Variants in FSD1L observed in about 807,000 individuals in gnomAD.
The protein encoded by FSD1L is fibronectin type III and SPRY domain containing 1 like.
In FSD1L, 45 loss-of-function variants were observed where a neutral mutation model predicts 71.6. The ratio of observed to expected loss-of-function variants is 0.63; its 90% CI spans 0.49 to 0.81. The LOEUF (loss-of-function observed/expected upper bound fraction) is 0.81, where lower values mean the gene tolerates loss of function less well. FSD1L is among the 30% of genes least tolerant of loss of function. FSD1L has a pLI of 0.00. For synonymous variants in FSD1L, 197 were observed against 207.2 expected (o/e 0.95, Z 0.42); for missense variants, 561 against 618.1 (o/e 0.91, Z 0.98).
At chr9:105,477,031 T>C (rs1181906010) in intron 5 of FSD1L, among the ~76,000 whole-genome samples, 1 of 152,216 alleles carries the variant, frequency 6.6e-6, no homozygotes, top group African/African-American at 2.4e-5. Flanking sequence ...TGGCTTTTCA[T>C]TTATTCCTTT....
chr9:105,507,877 C>T (rs1227834539), intron 8 of FSD1L, among the ~76,000 whole-genome samples: 1 of 142,144 alleles, frequency 7.0e-6, no homozygotes, highest in African/African-American at 2.6e-5. Context: ...TTATTTTGAG[C>T]ATATCACTCT....
At chr9:105,514,814 G>A (rs1834602560) in intron 10 of FSD1L, among the ~76,000 whole-genome samples, 1 of 152,110 alleles carries the variant, frequency 6.6e-6, no homozygotes, top group Non-Finnish European at 1.5e-5. Context: ...CTGCCAGCAA[G>A]CCCCAAACAA....
intron 12 of FSD1L, among the ~76,000 whole-genome samples, chr9:105,537,261 C>G (rs1206716925): frequency 1.3e-5 from 2 of 151,954 alleles, no homozygotes; most frequent in African/African-American, 4.8e-5. Context: ...AATATTGTGC[C>G]CAAATAATTC....
At chr9:105,461,956 CAAA>C (rs112746151) in intron 2 of FSD1L, among the ~76,000 whole-genome samples, 2 of 118,672 alleles carry the variant, frequency 1.7e-5, no homozygotes, top group Non-Finnish European at 1.8e-5. Flanking sequence ...GACAGAGCCT[CAAA>C]AAAAAAAAAA....
chr9:105,495,496 C>T (rs950371172), intron 7 of FSD1L, among the ~76,000 whole-genome samples: 3 of 152,164 alleles, frequency 2.0e-5, no homozygotes, highest in Admixed American at 1.3e-4. Flanking sequence ...GTGCAGGGTG[C>T]GCTGCACCCA....
intron 10 of FSD1L, chr9:105,524,792 G>A (rs1835404340): frequency 3.1e-6 from 5 of 1,594,312 alleles, no homozygotes; most frequent in African/African-American, 1.3e-5. Flanking sequence ...TTACACATCT[G>A]GTAAATCACC....
chr9:105,488,551 A>G (rs1388024887), intron 7 of FSD1L, among the ~76,000 whole-genome samples: 1 of 152,188 alleles, frequency 6.6e-6, no homozygotes, highest in Non-Finnish European at 1.5e-5. Context: ...ATTACTGAAT[A>G]GTATGGTAAA....
chr9:105,525,662 G>T (rs531685813), intron 10 of FSD1L: 43 of 1,610,132 alleles, frequency 2.7e-5, no homozygotes, highest in Middle Eastern at 3.3e-4. Flanking sequence ...AGGCAGTGCC[G>T]AGAGACACAC....
At chr9:105,474,613 G>T (rs1386724273) in intron 5 of FSD1L, among the ~76,000 whole-genome samples, 3 of 152,164 alleles carry the variant, frequency 2.0e-5, no homozygotes, top group African/African-American at 7.2e-5. Context: ...GCAGTATATT[G>T]TTAGATGTCT....
intron 7 of FSD1L, among the ~76,000 whole-genome samples, chr9:105,488,819 G>GTTTT (rs58736638): frequency 7.5e-6 from 1 of 133,672 alleles, no homozygotes; most frequent in Non-Finnish European, 1.6e-5. Flanking sequence ...TTTACATTGG[G>GTTTT]TTTTTTTTTT....
chr9:105,470,875 A>G (rs947275245), intron 4 of FSD1L, among the ~76,000 whole-genome samples: 1 of 152,246 alleles, frequency 6.6e-6, no homozygotes, highest in Non-Finnish European at 1.5e-5. Flanking sequence ...ACTGTAGAAG[A>G]AAGGACAACT....
At chr9:105,496,357 A>G (rs1236974625) in intron 7 of FSD1L, among the ~76,000 whole-genome samples, 3 of 151,796 alleles carry the variant, frequency 2.0e-5, no homozygotes, top group African/African-American at 2.4e-5. Flanking sequence ...CTTTTTCAAT[A>G]CTGTGTTGCC....
intron 7 of FSD1L, 32 bp from the exon 8 acceptor site, chr9:105,506,367 G>C: frequency 1.4e-6 from 2 of 1,418,076 alleles, no homozygotes; most frequent in Non-Finnish European, 1.9e-6. Context: ...AATGAGGAAT[G>C]AATGAGTCTT....
chr9:105,467,620 A>G (rs956946275), intron 3 of FSD1L, among the ~76,000 whole-genome samples: 1 of 152,162 alleles, frequency 6.6e-6, no homozygotes, highest in Admixed American at 6.5e-5. Context: ...TTAATATTTG[A>G]TAAATATCTT....
rs1283511717 is a variant in FSD1L at position 105,550,519 on chromosome 9, G to C, written c.*4036G>C. 3 of 151,976 alleles carry C rather than the reference G, an allele frequency of 2.0e-5. No homozygotes were observed. The highest frequency in any genetic ancestry group is 4.8e-5 in the African/African-American group (2 of 41,428). The allele number at this position is 151,976 out of a possible 1,614,324, so 9.4% of individuals were successfully genotyped here. ...GCAAGATTACCTCACGTTCAGTATA[G>C]TTTAGTTTTGTGTGTATCTTACAGT... On this transcript the variant is annotated 3_prime_UTR_variant, in exon 14 of 14. Coordinates refer to ENST00000481272, the MANE Select transcript of FSD1L (RefSeq NM_001145313.3).
At chr9:105,522,043 C>T (rs967588064) in intron 10 of FSD1L, 4 of 1,612,964 alleles carry the variant, frequency 2.5e-6, no homozygotes, top group Non-Finnish European at 2.5e-6. Context: ...CTGAAGATGC[C>T]ATCACAAGCT....
chr9:105,463,201 T>C (rs955358001), intron 2 of FSD1L, among the ~76,000 whole-genome samples: 1 of 152,100 alleles, frequency 6.6e-6, no homozygotes, highest in African/African-American at 2.4e-5. Context: ...GGGCTCCTTA[T>C]CTATAACCCT....
At chr9:105,447,946 C>CCCACCCT, upstream of FSD1L, 1 of 526,804 alleles carries the variant, frequency 1.9e-6, no homozygotes, top group Non-Finnish European at 3.3e-6. Context: ...GGCGGCGCTC[C>CCCACCCT]CCACCCTCCA....
At chr9:105,522,706 G>A (rs1276460000) in intron 10 of FSD1L, 1 of 1,606,138 alleles carries the variant, frequency 6.2e-7, no homozygotes, top group Non-Finnish European at 8.5e-7. Flanking sequence ...GAGGACATGA[G>A]CCAAAAACTG....
Sources: gnomAD v4.1 joint callset for allele counts (sites outside exome capture counted in the v4.1 genomes callset) on GRCh38, gnomAD v4.1.1 for gene constraint, MANE v1.5 for transcripts, NCBI Gene and HGNC (gene_info 2026-07-23, HGNC 2026-07-21) for gene names.